The following PAPPA2 variants were observed in gnomAD, a reference collection of about 807,000 sequenced individuals.
PAPPA2 encodes the protein pappalysin-2.
Under a neutral mutation model 176.4 loss-of-function variants are expected in PAPPA2, and 86 were observed. The ratio of observed to expected loss-of-function variants is 0.49; its 90% CI spans 0.41 to 0.58. The LOEUF is 0.58. Among genes scored for constraint, PAPPA2 ranks in the 20% least tolerant of loss-of-function variants. The pLI is 0.00. For synonymous variants in PAPPA2, 809 were observed against 852.2 expected, an observed-to-expected ratio of 0.95 and a Z score of 0.88; for missense variants, 2,073 against 2,256.9, an observed-to-expected ratio of 0.92 and a Z score of 1.65.
At chr1:176,632,537 TAAA>T (rs988911469) in intron 3 of PAPPA2, among the ~76,000 whole-genome samples, 1 of 151,562 alleles carries the variant, frequency 6.6e-6, no homozygotes, top group African/African-American at 2.4e-5. Flanking sequence ...TCAAAAAAAA[TAAA>T]AAATAAAAAA....
intron 1 of PAPPA2, among the ~76,000 whole-genome samples, chr1:176,545,146 C>T (rs946054712): frequency 6.6e-6 from 1 of 152,116 alleles, no homozygotes; most frequent in African/African-American, 2.4e-5. Context: ...AAAATTCCAG[C>T]CCTCTAACCA....
At chr1:176,472,971 T>C (rs1384127505) in intron 1 of PAPPA2, among the ~76,000 whole-genome samples, 2 of 152,142 alleles carry the variant, frequency 1.3e-5, no homozygotes, top group East Asian at 3.8e-4. Flanking sequence ...TCTCTTACTG[T>C]CAGCATTTCA....
At chr1:176,604,452 TACAGTGGTTGGCAAACCATGG>T (rs1287409301) in intron 3 of PAPPA2, among the ~76,000 whole-genome samples, 3 of 152,256 alleles carry the variant, frequency 2.0e-5, no homozygotes, top group Non-Finnish European at 4.4e-5. Context: ...CTTATTCTAG[TACAGTGGTTGGCAAACCATGG>T]ACCATGGATC....
chr1:176,808,889 G>A (rs530140248), intron 21 of PAPPA2, among the ~76,000 whole-genome samples: 1 of 152,192 alleles, frequency 6.6e-6, no homozygotes, highest in Non-Finnish European at 1.5e-5. Flanking sequence ...ACATGTTCAT[G>A]TATTGAATAT....
chr1:176,591,592 C>G (rs951415347), intron 2 of PAPPA2, among the ~76,000 whole-genome samples: 1 of 152,324 alleles, frequency 6.6e-6, no homozygotes, highest in East Asian at 1.9e-4. Flanking sequence ...ACTATAGAAT[C>G]TCCAGCACCA....
intron 17 of PAPPA2, among the ~76,000 whole-genome samples, 195 bp from the exon 18 acceptor site, chr1:176,789,614 T>C (rs192825758): frequency 6.6e-6 from 1 of 152,292 alleles, no homozygotes; most frequent in Non-Finnish European, 1.5e-5. Flanking sequence ...TTACTACTAC[T>C]TTGAATAATA....
intron 14 of PAPPA2, among the ~76,000 whole-genome samples, chr1:176,752,999 G>A (rs947627749): frequency 5.3e-5 from 8 of 152,174 alleles, no homozygotes; most frequent in Admixed American, 2.6e-4. Context: ...CTGTAGATAC[G>A]GAATTATAGG....
chr1:176,660,122 G>A (rs1658275241), intron 3 of PAPPA2, among the ~76,000 whole-genome samples: 2 of 152,072 alleles, frequency 1.3e-5, no homozygotes, highest in Non-Finnish European at 2.9e-5. Flanking sequence ...TTCCAAAGTT[G>A]TAATGTCCTT....
chr1:176,642,938 A>G (rs1657181991), intron 3 of PAPPA2, among the ~76,000 whole-genome samples: 1 of 151,920 alleles, frequency 6.6e-6, no homozygotes, highest in Non-Finnish European at 1.5e-5. Flanking sequence ...CAGTCACAAA[A>G]TAGTTAAGAG....
chr1:176,628,529 A>G (rs1043805428), intron 3 of PAPPA2, among the ~76,000 whole-genome samples: 1 of 152,218 alleles, frequency 6.6e-6, no homozygotes, highest in African/African-American at 2.4e-5. Context: ...ATATAATAAA[A>G]TAGAAAACAA....
chr1:176,477,484 C>T (rs1030247984), intron 1 of PAPPA2, among the ~76,000 whole-genome samples: 5 of 152,152 alleles, frequency 3.3e-5, no homozygotes, highest in Admixed American at 6.6e-5. Context: ...CAGTGGCTCA[C>T]GCCTGTAATC....
chr1:176,643,796 A>G (rs1657235954), intron 3 of PAPPA2, among the ~76,000 whole-genome samples: 1 of 151,778 alleles, frequency 6.6e-6, no homozygotes, highest in Non-Finnish European at 1.5e-5. Context: ...GCTTCAAAAC[A>G]CTTGTGTTGG....
chr1:176,730,586 GT>G (rs1214358007), intron 12 of PAPPA2, among the ~76,000 whole-genome samples: 2 of 139,892 alleles, frequency 1.4e-5, no homozygotes, highest in African/African-American at 5.6e-5. Context: ...TTTTGTTCTC[GT>G]TTTTGTTTTT....
intron 14 of PAPPA2, among the ~76,000 whole-genome samples, chr1:176,747,011 T>G (rs944690062): frequency 6.6e-6 from 1 of 152,138 alleles, no homozygotes; most frequent in Non-Finnish European, 1.5e-5. Flanking sequence ...AAACTGAGAC[T>G]CAAGGGCACA....
At chr1:176,611,637 A>T (rs1232084077) in intron 3 of PAPPA2, among the ~76,000 whole-genome samples, 1 of 152,188 alleles carries the variant, frequency 6.6e-6, no homozygotes, top group Non-Finnish European at 1.5e-5. Flanking sequence ...ACAAGTTTTG[A>T]TAAGGATATG....
At chr1:176,567,984 A>G (rs1652085702) in intron 2 of PAPPA2, among the ~76,000 whole-genome samples, 1 of 152,230 alleles carries the variant, frequency 6.6e-6, no homozygotes, top group Non-Finnish European at 1.5e-5. Flanking sequence ...GAGCAGTTTC[A>G]CACCTCAGTT....
chr1:176,820,052 C>T (rs888359395), intron 21 of PAPPA2, among the ~76,000 whole-genome samples: 7 of 152,152 alleles, frequency 4.6e-5, no homozygotes, highest in African/African-American at 1.7e-4. Flanking sequence ...TACAAATCCT[C>T]TACCTTATTT....
At position 176,791,428 on chromosome 1, in the gene PAPPA2, C is replaced by T. The variant is rs1343952992; in HGVS notation, c.4966C>T (p.Pro1656Ser). ...CENLQGECPP[P>S]PSELNSVEYK... ...GAATCTGCAAGGAGAATGCCCACCA[C>T]CCCCCTCAGAGCTGAATTCTGTGGA... The change falls in exon 19 of 23, where the codon CCC becomes TCC. Residue 1656 changes from proline to serine, a missense_variant. Pro to Ser is a moderately conservative substitution (Grantham distance 74, BLOSUM62 -1). Around this residue, in one of 4 missense-constraint regions of PAPPA2, gnomAD observed 846 missense variants for 857.9 expected, o/e 0.99. Transcript: ENST00000367662. 2.5e-6 allele frequency: 4 copies of T among 1,613,338 alleles called. No homozygotes were observed. The highest frequency in any genetic ancestry group is 2.2e-5 in the East Asian group (1 of 44,854).
At chr1:176,533,448 A>G (rs576350129) in intron 1 of PAPPA2, among the ~76,000 whole-genome samples, 23 of 152,362 alleles carry the variant, frequency 1.5e-4, no homozygotes, top group Admixed American at 5.2e-4. Flanking sequence ...GTCTTCAGCT[A>G]CTGCTGAGAT....
Sources: gnomAD v4.1 joint callset for allele counts (sites outside exome capture counted in the v4.1 genomes callset) on GRCh38, gnomAD v4.1.1 for gene constraint, gnomAD v4.1.1 regional missense constraint, MANE v1.5 for transcripts, NCBI Gene and HGNC (gene_info 2026-07-23, HGNC 2026-07-21) for gene names.